STX11: variants seen among roughly 807,000 people sequenced by gnomAD.
STX11 encodes the protein syntaxin-11.
Under a neutral mutation model 19.9 loss-of-function variants are expected in STX11, and 21 were observed. The observed-to-expected ratio is 1.06, with a 90% CI of 0.75 to 1.52. The LOEUF (loss-of-function observed/expected upper bound fraction) is 1.52. Ranked by LOEUF, STX11 falls within the 40% of genes most tolerant of loss-of-function variation. The pLI is 0.00. For missense variants in STX11, 438 were observed against 405.9 expected (o/e 1.08, Z -0.68); for synonymous variants, 193 against 174.4 (o/e 1.11, Z -0.84).
chr6:144,157,212 T>C (rs1337457580), intron 1 of STX11, among the ~76,000 whole-genome samples: 1 of 152,168 alleles, frequency 6.6e-6, no homozygotes, highest in Non-Finnish European at 1.5e-5. Context: ...GAGACTGAAC[T>C]GTGGGGCATG....
chr6:144,161,416 G>A (rs542082520), intron 1 of STX11, among the ~76,000 whole-genome samples: 85 of 152,132 alleles, frequency 5.6e-4, no homozygotes, highest in African/African-American at 2.0e-3. Flanking sequence ...CGCCCACGCT[G>A]GAGTGCAGTG....
At chr6:144,157,719 G>T (rs1416097937) in intron 1 of STX11, among the ~76,000 whole-genome samples, 1 of 152,086 alleles carries the variant, frequency 6.6e-6, no homozygotes, top group Non-Finnish European at 1.5e-5. Flanking sequence ...CTAAACTCTG[G>T]CACCCAGAGT....
rs1037001292 is a variant in STX11 at position 144,172,649 on chromosome 6, T to C, written c.-5-13974T>C. Among the ~76,000 whole-genome samples the C allele has an allele frequency of 6.6e-6, 1 of 152,186 alleles. No individual in the cohort carries two copies. The highest frequency in any genetic ancestry group is 2.4e-5 in the African/African-American group (1 of 41,444). ...TCACATTTCTTTTGCAAGAAAAATATGCTCCCTCCCATCCCAGGATTCCCC... is the reference window on the plus strand; with the variant it reads ...TCACATTTCTTTTGCAAGAAAAATACGCTCCCTCCCATCCCAGGATTCCCC... On this transcript the variant is annotated intron_variant, in intron 1 of 1. Coordinates refer to ENST00000367568, the MANE Select transcript of STX11 (RefSeq NM_003764.4). The surrounding 1 kb of genome is among the most constrained non-coding windows in gnomAD (Gnocchi z 4.2).
chr6:144,179,498 A>C (rs143461156), intron 1 of STX11, among the ~76,000 whole-genome samples: 301 of 152,344 alleles, frequency 2.0e-3, no homozygotes, highest in African/African-American at 6.9e-3. Flanking sequence ...GGAACTGCTA[A>C]ATTACAGTGA....
At position 144,172,493 on chromosome 6, in the gene STX11, T is replaced by C. The variant is rs1378059209; in HGVS notation, c.-5-14130T>C. ...CTCCCATCCTCTTGGTCAAAGCAAG[T>C]CTCATGGCCAAGGGTAGAGAAACTG... On this transcript the variant is annotated intron_variant, in intron 1 of 1. Transcript: ENST00000367568. This position sits in a 1 kb window ranked among gnomAD's most constrained non-coding sequence, Gnocchi z 4.2. 6.6e-6 allele frequency among the ~76,000 whole-genome samples: 1 copy of C among 152,106 alleles called. No homozygotes were observed. Among genetic ancestry groups the C allele is most frequent in the African/African-American group, 2.4e-5 (1 of 41,420 alleles).
Position 144,160,371 on chromosome 6 carries a change from G to A in STX11, c.-6+9668G>A, listed in dbSNP as rs1801304286. Among the ~76,000 whole-genome samples the A allele has an allele frequency of 6.6e-6, 1 of 152,132 alleles. No homozygotes were observed. The highest frequency in any genetic ancestry group is 2.4e-5 in the African/African-American group (1 of 41,428). On this transcript the variant is annotated intron_variant, in intron 1 of 1. Transcript: ENST00000367568. This position sits in a 1 kb window ranked among gnomAD's most constrained non-coding sequence, Gnocchi z 4.3. The stretch of plus-strand genomic sequence containing the variant: ...AAATTGTAAGCTTAGGGTAAGGTTT[G>A]AGACTTCCTGATTTTTAACTTTTGA...
At position 144,176,542 on chromosome 6, in the gene STX11, C is replaced by T. The variant is rs996391799; in HGVS notation, c.-5-10081C>T. Among the ~76,000 whole-genome samples the T allele has an allele frequency of 5.9e-5, 9 of 152,110 alleles. No homozygotes were observed. Among genetic ancestry groups the T allele is most frequent in the African/African-American group, 1.9e-4 (8 of 41,400 alleles). Reference sequence around the variant, plus strand: ...TTGATTCTAGAGGGCTGCAGACACACGCAGAAAGTTACTATTATAGAATGT... The same window carrying T: ...TTGATTCTAGAGGGCTGCAGACACATGCAGAAAGTTACTATTATAGAATGT... On this transcript the variant is annotated intron_variant, in intron 1 of 1. Coordinates refer to ENST00000367568, the MANE Select transcript of STX11 (RefSeq NM_003764.4). The surrounding 1 kb of genome is among the most constrained non-coding windows in gnomAD (Gnocchi z 4.1).
chr6:144,178,616 G>A (rs984926492), intron 1 of STX11, among the ~76,000 whole-genome samples: 3 of 152,188 alleles, frequency 2.0e-5, no homozygotes, highest in Admixed American at 1.3e-4. Flanking sequence ...GAAAAGTAGA[G>A]GCTGTCTCCT....
upstream of STX11, among the ~76,000 whole-genome samples, chr6:144,145,761 T>G (rs188751822): frequency 3.9e-5 from 6 of 151,902 alleles, no homozygotes; most frequent in East Asian, 1.2e-3. Context: ...GAGATGTTAG[T>G]AAAGAAAAAA....
At chr6:144,181,713 A>G (rs1801916776) in intron 1 of STX11, among the ~76,000 whole-genome samples, 1 of 151,878 alleles carries the variant, frequency 6.6e-6, no homozygotes, top group Non-Finnish European at 1.5e-5. Flanking sequence ...CAGAAACTCT[A>G]GGTGCCCAGG....
chr6:144,140,209 CATAT>C, the STX11 span, among the ~76,000 whole-genome samples: 305 of 44,308 alleles, frequency 6.9e-3, 1 homozygote, highest in Non-Finnish European at 8.7e-3. Flanking sequence ...GGTCAATTCA[CATAT>C]ATATATATAT....
At chr6:144,146,175 G>C (rs1265107992), upstream of STX11, among the ~76,000 whole-genome samples, 1 of 152,200 alleles carries the variant, frequency 6.6e-6, no homozygotes, top group Non-Finnish European at 1.5e-5. The surrounding 1 kb of genome is among the most constrained non-coding windows in gnomAD (Gnocchi z 4.4). Context: ...AATGGGTTTA[G>C]AGCTCTGTAA....
chr6:144,174,071 A>G lies in STX11; in HGVS notation c.-5-12552A>G, dbSNP rs1259169652. Among the ~76,000 whole-genome samples the G allele has an allele frequency of 6.6e-6, 1 of 152,028 alleles. No individual in the cohort carries two copies. Among genetic ancestry groups the G allele is most frequent in the South Asian group, 2.1e-4 (1 of 4,830 alleles). On this transcript the variant is annotated intron_variant, in intron 1 of 1. Coordinates refer to ENST00000367568, the MANE Select transcript of STX11 (RefSeq NM_003764.4). The surrounding 1 kb of genome is among the most constrained non-coding windows in gnomAD (Gnocchi z 5.3). ...CTGTTGGGCTCTCCGCGGCTCCTTC[A>G]TTTTCAGTCTTTTGTTAGGTTAGCT...
rs961142141 is a variant in STX11 at position 144,190,263 on chromosome 6, C to T, written c.*2772C>T. 3.9e-5 allele frequency among the ~76,000 whole-genome samples: 6 copies of T among 152,318 alleles called. No homozygotes were observed. Among genetic ancestry groups the T allele is most frequent in the African/African-American group, 9.6e-5 (4 of 41,572 alleles). On this transcript the variant is annotated 3_prime_UTR_variant, in exon 2 of 2. Coordinates refer to ENST00000367568, the MANE Select transcript of STX11 (RefSeq NM_003764.4). The stretch of plus-strand genomic sequence containing the variant: ...ACTCTGCCACATACTAGCTGTCTGA[C>T]TGAACCTTGGTTTTTCTGTGCTTCA...
chr6:144,190,684 A>G lies in STX11; in HGVS notation c.*3193A>G, dbSNP rs1264884256. ...AAGAAGAAATGAGATGTTCCACCAAAAACACGTAAGCAGGAAGCAGCTGTT... is the reference window on the plus strand; with the variant it reads ...AAGAAGAAATGAGATGTTCCACCAAGAACACGTAAGCAGGAAGCAGCTGTT... On this transcript the variant is annotated 3_prime_UTR_variant, in exon 2 of 2. Coordinates refer to ENST00000367568, the MANE Select transcript of STX11 (RefSeq NM_003764.4). Among the ~76,000 whole-genome samples, 1 of 152,136 alleles carries G rather than the reference A, an allele frequency of 6.6e-6. No homozygotes were observed. The highest frequency in any genetic ancestry group is 1.5e-5 in the Non-Finnish European group (1 of 68,026).
the STX11 span, among the ~76,000 whole-genome samples, chr6:144,145,504 T>C: frequency 1.3e-5 from 2 of 152,216 alleles, no homozygotes; most frequent in African/African-American, 4.8e-5. Flanking sequence ...TCAACATAAG[T>C]GTTCAACAGT....
rs1222437687 is a variant in STX11 at position 144,186,807 on chromosome 6, C to T, written c.180C>T (p.Ala60=). The part of the protein sequence containing the change: ...DIQDENQLLV[A]DVKRLGKQNA... ...AGGATGAAAACCAGCTGCTGGTGGC[C>T]GACGTGAAGCGGCTGGGAAAGCAGA... Residue 60 remains alanine (A), a synonymous_variant, in exon 2 of 2, where the codon GCC becomes GCT. Transcript: ENST00000367568. 3 of 1,613,720 alleles carry T rather than the reference C, an allele frequency of 1.9e-6. No homozygotes were observed. The highest frequency in any genetic ancestry group is 1.1e-5 in the South Asian group (1 of 91,072).
chr6:144,141,356 G>A, the STX11 span, among the ~76,000 whole-genome samples: 325 of 152,274 alleles, frequency 2.1e-3, 1 homozygote, highest in South Asian at 0.015. Context: ...TGAAATTTGG[G>A]TTAAAGTAAA....
the STX11 span, among the ~76,000 whole-genome samples, chr6:144,143,035 T>C: frequency 1.3e-5 from 2 of 152,200 alleles, no homozygotes; most frequent in Non-Finnish European, 2.9e-5. Flanking sequence ...ATGTAAAATA[T>C]TATGTACCAA....
Sources: gnomAD v4.1 joint callset for allele counts (sites outside exome capture counted in the v4.1 genomes callset) on GRCh38, gnomAD v4.1.1 for gene constraint, Gnocchi (gnomAD v3.1) non-coding constraint, MANE v1.5 for transcripts, NCBI Gene and HGNC (gene_info 2026-07-23, HGNC 2026-07-21) for gene names.